LOC128462377: variants seen among roughly 807,000 people sequenced by gnomAD.
chr16:89,415,343 C>T, the LOC128462377 span, among the ~76,000 whole-genome samples: 1 of 144,798 alleles, frequency 6.9e-6, no homozygotes, highest in South Asian at 2.2e-4. Context: ...CGGTTTACTG[C>T]AAGCTCCGCC....
the LOC128462377 span, among the ~76,000 whole-genome samples, chr16:89,353,992 C>A: frequency 2.6e-5 from 4 of 152,132 alleles, no homozygotes. Context: ...TGTGAACCAG[C>A]CCAGCTGAAT....
chr16:89,378,366 CCAAA>C, the LOC128462377 span, among the ~76,000 whole-genome samples: 1 of 152,006 alleles, frequency 6.6e-6, no homozygotes, highest in African/African-American at 2.4e-5. Context: ...TGTTCAAGGA[CCAAA>C]CATATATAAT....
chr16:89,370,864 A>T, the LOC128462377 span: 3 of 152,342 alleles, frequency 2.0e-5, no homozygotes, highest in African/African-American at 7.2e-5. Flanking sequence ...GCCTCTCAAA[A>T]GGCCAAGCCT....
chr16:89,377,039 C>T, the LOC128462377 span, among the ~76,000 whole-genome samples: 131 of 152,294 alleles, frequency 8.6e-4, 3 homozygotes, highest in South Asian at 0.022. Flanking sequence ...ATGCTTTGTC[C>T]GTGAAGTCAG....
the LOC128462377 span, among the ~76,000 whole-genome samples, chr16:89,394,554 G>T: frequency 6.6e-6 from 1 of 152,012 alleles, no homozygotes; most frequent in African/African-American, 2.4e-5. Flanking sequence ...CTTGAACCCA[G>T]GAGGCGGAGG....
chr16:89,318,086 C>G, the LOC128462377 span, among the ~76,000 whole-genome samples: 1 of 152,208 alleles, frequency 6.6e-6, no homozygotes, highest in Non-Finnish European at 1.5e-5. Context: ...AGGCCTTCCC[C>G]GAGCCCCTGC....
chr16:89,381,953 T>C, the LOC128462377 span, among the ~76,000 whole-genome samples: 100 of 152,324 alleles, frequency 6.6e-4, no homozygotes, highest in Middle Eastern at 0.01. Flanking sequence ...AGACTGTATC[T>C]AGTTCTATCT....
At chr16:89,354,255 A>AG in the LOC128462377 span, among the ~76,000 whole-genome samples, 2 of 151,904 alleles carry the variant, frequency 1.3e-5, no homozygotes, top group Admixed American at 6.6e-5. Flanking sequence ...AAAAAAAAAA[A>AG]AAAAAGAAAA....
chr16:89,325,870 C>T, the LOC128462377 span, among the ~76,000 whole-genome samples: 2 of 152,156 alleles, frequency 1.3e-5, no homozygotes, highest in African/African-American at 4.8e-5. Flanking sequence ...AAGGAGGGCC[C>T]CATCGCCCTG....
chr16:89,363,065 T>TAAAA, the LOC128462377 span, among the ~76,000 whole-genome samples: 1 of 152,124 alleles, frequency 6.6e-6, no homozygotes, highest in Admixed American at 6.5e-5. Flanking sequence ...GCAGAAGGTA[T>TAAAA]AAAAAATGGC....
the LOC128462377 span, among the ~76,000 whole-genome samples, chr16:89,407,050 G>C: frequency 2.0e-5 from 3 of 152,046 alleles, no homozygotes; most frequent in African/African-American, 7.2e-5. Flanking sequence ...GCCGGACATG[G>C]TGGCAGGCAT....
chr16:89,388,560 A>C, the LOC128462377 span, among the ~76,000 whole-genome samples: 1 of 152,138 alleles, frequency 6.6e-6, no homozygotes, highest in Non-Finnish European at 1.5e-5. Flanking sequence ...AAAAAGCCTG[A>C]ATGCTGCATG....
At chr16:89,384,092 C>T in the LOC128462377 span, among the ~76,000 whole-genome samples, 1 of 152,128 alleles carries the variant, frequency 6.6e-6, no homozygotes, top group African/African-American at 2.4e-5. Flanking sequence ...TGGTGGCAGG[C>T]GCTTGTAATC....
At chr16:89,401,705 T>A in the LOC128462377 span, among the ~76,000 whole-genome samples, 1 of 152,032 alleles carries the variant, frequency 6.6e-6, no homozygotes, top group Admixed American at 6.6e-5. Flanking sequence ...ATGATCCAGG[T>A]GAGATCGCTA....
the LOC128462377 span, among the ~76,000 whole-genome samples, chr16:89,318,870 C>T: frequency 6.6e-6 from 1 of 152,200 alleles, no homozygotes; most frequent in African/African-American, 2.4e-5. Flanking sequence ...TGTTTCCATC[C>T]ACCATCCCTG....
At chr16:89,386,395 GC>G in the LOC128462377 span, among the ~76,000 whole-genome samples, 2 of 152,092 alleles carry the variant, frequency 1.3e-5, no homozygotes, top group African/African-American at 4.8e-5. Flanking sequence ...CTGCCCTGCT[GC>G]CCCACCCTTT....
the LOC128462377 span, among the ~76,000 whole-genome samples, chr16:89,378,779 T>C: frequency 6.6e-6 from 1 of 151,914 alleles, no homozygotes; most frequent in South Asian, 2.1e-4. Context: ...AGAGACGGGG[T>C]TTCATCATGT....
chr16:89,330,499 C>T, the LOC128462377 span, among the ~76,000 whole-genome samples: 3 of 151,918 alleles, frequency 2.0e-5, no homozygotes, highest in African/African-American at 7.3e-5. Context: ...CGTGGGGCTA[C>T]GTGAGGGTCC....
At chr16:89,412,745 G>A in the LOC128462377 span, among the ~76,000 whole-genome samples, 3 of 151,742 alleles carry the variant, frequency 2.0e-5, no homozygotes, top group Admixed American at 1.3e-4. Flanking sequence ...AAAAAATGAT[G>A]GTATTAAAAA....
Sources: allele counts gnomAD v4.1 joint callset (sites outside exome capture counted in the v4.1 genomes callset), GRCh38; gene constraint gnomAD v4.1.1; transcripts MANE v1.5.